ZNF260: variants seen among roughly 807,000 people sequenced by gnomAD.
The protein encoded by ZNF260 is zinc finger protein 260, also known as zfp-260.
Under a neutral mutation model 29.3 loss-of-function variants are expected in ZNF260, and 21 were observed. The ratio of observed to expected loss-of-function variants is 0.72; its 90% CI spans 0.51 to 1.03. The LOEUF (loss-of-function observed/expected upper bound fraction) is 1.03, where lower values mean the gene tolerates loss of function less well. Ranked by LOEUF, ZNF260 falls within the 50% of genes least tolerant of loss-of-function variation. The pLI is 0.00. For synonymous variants in ZNF260, 156 were observed against 156.8 expected (o/e 0.99, Z 0.04); for missense variants, 465 against 487.8 (o/e 0.95, Z 0.44).
chr19:36,514,079 G>C lies in ZNF260; in HGVS notation c.1160C>G (p.Pro387Arg). The change falls in exon 3 of 3, where the codon CCT (proline) becomes CGT (arginine). Residue 387 changes from proline to arginine, a missense_variant. Transcript: ENST00000523638. ...TTTCCCACATTCACTACACTGATAA[G>C]GTTTTTCACCAGTATGGATTCTCAT... ...LHMRIHTGEK[P>R]YQCSECGKAF... The C allele has an allele frequency of 6.2e-7, 1 of 1,614,108 alleles. No individual in the cohort carries two copies. Among genetic ancestry groups the C allele is most frequent in the South Asian group, 1.1e-5 (1 of 91,082 alleles).
intron 2 of ZNF260, among the ~76,000 whole-genome samples, chr19:36,518,901 G>A (rs776358130): frequency 6.6e-6 from 1 of 152,082 alleles, no homozygotes; most frequent in Non-Finnish European, 1.5e-5. Context: ...AGATTATCTG[G>A]GTGTGGTGGC....
At chr19:36,526,501 C>T (rs918935720) in intron 1 of ZNF260, among the ~76,000 whole-genome samples, 2 of 152,188 alleles carry the variant, frequency 1.3e-5, no homozygotes, top group Non-Finnish European at 2.9e-5. Flanking sequence ...GATTGCACCA[C>T]TGCACTCCAG....
In ZNF260 at chr19:36,513,646, C is replaced by T. The variant is rs2034488104; in HGVS notation, c.*354G>A. ...AATTCATATATGTAGCAAAACATCA[C>T]AAAAATGATAATTTTGTCTCTTAAT... On this transcript the variant is annotated 3_prime_UTR_variant, in exon 3 of 3. Coordinates refer to ENST00000523638, the MANE Select transcript of ZNF260 (RefSeq NM_001166037.2). 7.2e-6 allele frequency: 3 copies of T among 415,754 alleles called. No individual in the cohort carries two copies. Among genetic ancestry groups the T allele is most frequent in the Admixed American group, 3.9e-5 (1 of 25,948 alleles). The allele number at this position is 415,754 out of a possible 1,614,324, so 25.8% of individuals were successfully genotyped here.
Position 36,513,593 on chromosome 19 carries a change from C to T in ZNF260, c.*407G>A, listed in dbSNP as rs1600205752. ...CTCAGTTTTATGACTGCTTCAACAA[C>T]AAATAATTTTGATGATTCTAGTTTT... On this transcript the variant is annotated 3_prime_UTR_variant, in exon 3 of 3. Coordinates refer to ENST00000523638, the MANE Select transcript of ZNF260 (RefSeq NM_001166037.2). 1 of 406,952 alleles carries T rather than the reference C, an allele frequency of 2.5e-6. No individual in the cohort carries two copies. The highest frequency in any genetic ancestry group is 4.3e-6 in the Non-Finnish European group (1 of 230,040). The allele number at this position is 406,952 out of a possible 1,614,324, so 25.2% of individuals were successfully genotyped here.
rs2145738157 is a variant in ZNF260, at chr19:36,513,654, A to G, written c.*346T>C. ...TATGTAGCAAAACATCACAAAAATG[A>G]TAATTTTGTCTCTTAATTTCAAATC... On this transcript the variant is annotated 3_prime_UTR_variant, in exon 3 of 3. Transcript: ENST00000523638. 1 of 416,194 alleles carries G rather than the reference A, an allele frequency of 2.4e-6. No homozygotes were observed. Among genetic ancestry groups the G allele is most frequent in the East Asian group, 3.4e-5 (1 of 29,802 alleles). The allele number at this position is 416,194 out of a possible 1,614,324, so 25.8% of individuals were successfully genotyped here.
Position 36,516,260 on chromosome 19 carries a change from G to C in ZNF260, c.-461-561C>G, listed in dbSNP as rs1600209680. Among the ~76,000 whole-genome samples, 3 of 152,102 alleles carry C rather than the reference G, an allele frequency of 2.0e-5. No individual in the cohort carries two copies. The East Asian group carries it at 5.8e-4, about 29-fold the overall frequency. Reference sequence around the variant, plus strand: ...TTCCCAGGTATGTGTAATTTTAATTGCTTTTCAATGTAACCCAGCACACTT... The same window carrying C: ...TTCCCAGGTATGTGTAATTTTAATTCCTTTTCAATGTAACCCAGCACACTT... On this transcript the variant is annotated intron_variant, in intron 2 of 2. Transcript: ENST00000523638.
chr19:36,519,916 C>T (rs1384939355), intron 2 of ZNF260, among the ~76,000 whole-genome samples: 1 of 151,810 alleles, frequency 6.6e-6, no homozygotes, highest in Non-Finnish European at 1.5e-5. Context: ...ATAAGAAAAA[C>T]AGACCGGGTG....
intron 2 of ZNF260, among the ~76,000 whole-genome samples, chr19:36,516,161 T>C (rs1447249665): frequency 6.6e-6 from 1 of 152,144 alleles, no homozygotes; most frequent in Non-Finnish European, 1.5e-5. Context: ...CATAAGCCAC[T>C]GCGCACGGCT....
Position 36,524,574 on chromosome 19 carries a change from G to A in ZNF260, c.-462+581C>T, listed in dbSNP as rs543674287. Among the ~76,000 whole-genome samples the A allele has an allele frequency of 9.7e-3, 1,161 of 120,030 alleles. 16 individuals carry two copies. The highest frequency in any genetic ancestry group is 0.032 in the African/African-American group (1,068 of 32,968). The allele number at this position is 120,030 out of a possible 152,430, so 78.7% of individuals were successfully genotyped here. ...GGTGTTTCTCGCAGAGGGGGATTTG[G>A]CAGGGTCATAGGACAATAGTGGAGG... On this transcript the variant is annotated intron_variant, in intron 2 of 2. Coordinates refer to ENST00000523638, the MANE Select transcript of ZNF260 (RefSeq NM_001166037.2).
At chr19:36,520,026 C>T (rs1355565272) in intron 2 of ZNF260, among the ~76,000 whole-genome samples, 1 of 151,136 alleles carries the variant, frequency 6.6e-6, no homozygotes, top group Non-Finnish European at 1.5e-5. Context: ...ATGGAGAAAC[C>T]CCATCTCTAC....
intron 2 of ZNF260, among the ~76,000 whole-genome samples, chr19:36,519,959 G>GGAGGCCGAGGTGGGCAGATCACTT (rs1174602921): frequency 4.1e-4 from 62 of 152,104 alleles, no homozygotes; most frequent in African/African-American, 1.4e-3. Flanking sequence ...CAGCACTTTG[G>GGAGGCCGAGGTGGGCAGATCACTT]GAGGCCGAGG....
rs1348557901 is a variant in ZNF260 at position 36,512,635 on chromosome 19, GTTGA to G, written c.*1361_*1364del. 7.6e-6 allele frequency: 1 copy of G among 131,154 alleles called. No homozygotes were observed. Among genetic ancestry groups the G allele is most frequent in the African/African-American group, 3.0e-5 (1 of 33,510 alleles). 8.1% of individuals were successfully genotyped at this position (131,154 alleles called of 1,614,324 possible). On this transcript the variant is annotated 3_prime_UTR_variant, in exon 3 of 3. Transcript: ENST00000523638. ...ATTCTTAGTACTAGGGCTGGTTAGTGTTGATTTTATTCAAATTCACAGAAGCATC... is the reference window on the plus strand; with the variant it reads ...ATTCTTAGTACTAGGGCTGGTTAGTGTTTTATTCAAATTCACAGAAGCATC...
intron 2 of ZNF260, among the ~76,000 whole-genome samples, chr19:36,516,426 G>A (rs557424402): frequency 5.3e-5 from 8 of 151,862 alleles, no homozygotes; most frequent in African/African-American, 1.7e-4. Context: ...CGAGACTCTC[G>A]TCTCTATAAA....
chr19:36,523,900 C>T lies in ZNF260; in HGVS notation c.-462+1255G>A, dbSNP rs1039496674. 2.6e-5 allele frequency among the ~76,000 whole-genome samples: 4 copies of T among 151,906 alleles called. No individual in the cohort carries two copies. In the East Asian group the frequency reaches 5.9e-4, roughly 22 times the overall value. On this transcript the variant is annotated intron_variant, in intron 2 of 2. Coordinates refer to ENST00000523638, the MANE Select transcript of ZNF260 (RefSeq NM_001166037.2). ...CATTATTATTTCTTTTTAAAATTAACAGGGTAATGAACTAATAGGAAGTCA... is the reference window on the plus strand; with the variant it reads ...CATTATTATTTCTTTTTAAAATTAATAGGGTAATGAACTAATAGGAAGTCA...
intron 2 of ZNF260, chr19:36,518,164 T>C (rs1316819927): frequency 5.3e-5 from 8 of 152,074 alleles, no homozygotes; most frequent in East Asian, 1.9e-4. Context: ...GAGAAGACCA[T>C]GAGAACACCT....
At position 36,513,913 on chromosome 19, in the gene ZNF260, C is replaced by G; in HGVS notation, c.*87G>C. 7.0e-7 allele frequency: 1 copy of G among 1,423,376 alleles called. No homozygotes were observed. The highest frequency in any genetic ancestry group is 9.5e-7 in the Non-Finnish European group (1 of 1,049,224). The allele number at this position is 1,423,376 out of a possible 1,614,324, so 88.2% of individuals were successfully genotyped here. On this transcript the variant is annotated 3_prime_UTR_variant, in exon 3 of 3. Coordinates refer to ENST00000523638, the MANE Select transcript of ZNF260 (RefSeq NM_001166037.2). The stretch of plus-strand genomic sequence containing the variant: ...TGAAGGACTTCCCACATTCATGTCA[C>G]TTTAATGTAAAATGAATTTTCCAAT...
intron 2 of ZNF260, among the ~76,000 whole-genome samples, chr19:36,524,476 G>A (rs1468186959): frequency 6.6e-6 from 1 of 151,144 alleles, no homozygotes; most frequent in Non-Finnish European, 1.5e-5. Flanking sequence ...ACCACGCCTG[G>A]CCAGAATGAT....
intron 2 of ZNF260, among the ~76,000 whole-genome samples, chr19:36,516,948 G>A (rs1317751334): frequency 6.6e-6 from 1 of 152,202 alleles, no homozygotes; most frequent in Non-Finnish European, 1.5e-5. Flanking sequence ...AAGACTGGGA[G>A]TGCATAGGAA....
At position 36,523,221 on chromosome 19, in the gene ZNF260, C is replaced by T. The variant is rs146667954; in HGVS notation, c.-462+1934G>A. On this transcript the variant is annotated intron_variant, in intron 2 of 2. Coordinates refer to ENST00000523638, the MANE Select transcript of ZNF260 (RefSeq NM_001166037.2). ...TCAGATTGCACACTCTTTACAACCTCGTAGCTTACTGGCTATTTTGGACAA... is the reference window on the plus strand; with the variant it reads ...TCAGATTGCACACTCTTTACAACCTTGTAGCTTACTGGCTATTTTGGACAA... Among the ~76,000 whole-genome samples the T allele has an allele frequency of 8.8e-4, 134 of 152,284 alleles. 1 individual carries two copies. The highest frequency in any genetic ancestry group is 1.7e-3 in the Non-Finnish European group (114 of 68,020).
Sources: gnomAD v4.1 joint callset for allele counts (sites outside exome capture counted in the v4.1 genomes callset) on GRCh38, gnomAD v4.1.1 for gene constraint, MANE v1.5 for transcripts, NCBI Gene and HGNC (gene_info 2026-07-23, HGNC 2026-07-21) for gene names.